The following BICD1 variants were observed in gnomAD, a reference collection of about 807,000 sequenced individuals.
BICD1 encodes BICD cargo adaptor 1, also known as protein bicaudal D homolog 1.
BICD1 carries 35 observed loss-of-function variants against 92.5 expected under a neutral mutation model. That is an observed-to-expected ratio of 0.38 (90% confidence interval 0.29 to 0.50). The LOEUF (loss-of-function observed/expected upper bound fraction) is 0.50, where lower values mean the gene tolerates loss of function less well. Ranked by LOEUF, BICD1 falls within the 20% of genes least tolerant of loss-of-function variation. The pLI is 0.93. For missense variants in BICD1, 950 were observed against 1,189.8 expected (o/e 0.80, Z 2.97); for synonymous variants, 429 against 465.1 (o/e 0.92, Z 1.00).
intron 2 of BICD1, among the ~76,000 whole-genome samples, chr12:32,232,305 C>T (rs1208670122): frequency 0.015 from 2,215 of 150,116 alleles, 50 homozygotes; most frequent in African/African-American, 0.049. Context: ...TGGTATCTCA[C>T]TGTGGTTTTG....
At chr12:32,286,611 T>A (rs1035730424) in intron 2 of BICD1, among the ~76,000 whole-genome samples, 4 of 152,176 alleles carry the variant, frequency 2.6e-5, no homozygotes, top group Non-Finnish European at 5.9e-5. Context: ...TAGAGAAGAA[T>A]AACAAGTCAA....
intron 2 of BICD1, among the ~76,000 whole-genome samples, chr12:32,217,663 AC>A (rs918419765): frequency 6.6e-6 from 1 of 152,214 alleles, no homozygotes; most frequent in African/African-American, 2.4e-5. Context: ...TTTTCAGGAT[AC>A]CAGGACCTCC....
At chr12:32,163,855 C>A (rs1943670972) in intron 1 of BICD1, among the ~76,000 whole-genome samples, 1 of 152,112 alleles carries the variant, frequency 6.6e-6, no homozygotes, top group Non-Finnish European at 1.5e-5. Flanking sequence ...TGGTCAGAAC[C>A]CAAGACCCCT....
At chr12:32,183,429 G>C (rs1944338141) in intron 1 of BICD1, among the ~76,000 whole-genome samples, 1 of 151,676 alleles carries the variant, frequency 6.6e-6, no homozygotes, top group Non-Finnish European at 1.5e-5. Flanking sequence ...ATCACGCCCA[G>C]CTAATTTTTG....
intron 2 of BICD1, among the ~76,000 whole-genome samples, chr12:32,283,854 T>C (rs1592609022): frequency 6.6e-6 from 1 of 152,224 alleles, no homozygotes; most frequent in Non-Finnish European, 1.5e-5. Context: ...CCAGCCTTCT[T>C]GTTTTCTACA....
chr12:32,111,056 G>C (rs1169061353), intron 1 of BICD1, among the ~76,000 whole-genome samples: 4 of 151,914 alleles, frequency 2.6e-5, no homozygotes, highest in Non-Finnish European at 5.9e-5. Context: ...AGTTGAAAAA[G>C]AGCCCCTTAG....
In BICD1 at chr12:32,327,960, A is replaced by T. The variant is rs769317702; in HGVS notation, c.1505A>T (p.Asn502Ile). ...GCCAACGAAAATCACAGTACCCTTA[A>T]TACGGCCCAGGATGAGTTAGTGACA... Reference protein sequence around the residue: ...SIANENHSTLNTAQDELVTFS... With the variant: ...SIANENHSTLITAQDELVTFS... The change falls in exon 5 of 10, where the codon AAT becomes ATT. Residue 502 changes from asparagine to isoleucine, a missense_variant. Around this residue, in one of 5 missense-constraint regions of BICD1, gnomAD observed 309 missense variants for 499.4 expected, o/e 0.62. Coordinates refer to ENST00000652176, the MANE Select transcript of BICD1 (RefSeq NM_001714.4). 1.2e-6 allele frequency: 2 copies of T among 1,614,054 alleles called. No homozygotes were observed. The highest frequency in any genetic ancestry group is 2.2e-5 in the East Asian group (1 of 44,882).
At chr12:32,220,116 G>A (rs981421289) in intron 2 of BICD1, among the ~76,000 whole-genome samples, 3 of 152,186 alleles carry the variant, frequency 2.0e-5, no homozygotes, top group Middle Eastern at 3.4e-3. Context: ...AGACTTAAAC[G>A]TTAGACCTAA....
chr12:32,363,720 C>T (rs1446096635), intron 8 of BICD1, among the ~76,000 whole-genome samples: 1 of 152,118 alleles, frequency 6.6e-6, no homozygotes, highest in South Asian at 2.1e-4. Context: ...TAATTAACTT[C>T]CGCTGTGAGG....
chr12:32,279,310 G>A (rs1308100273), intron 2 of BICD1, among the ~76,000 whole-genome samples: 2 of 152,166 alleles, frequency 1.3e-5, no homozygotes, highest in African/African-American at 4.8e-5. Context: ...TGCGGTGGTG[G>A]TCACAACTAT....
intron 1 of BICD1, among the ~76,000 whole-genome samples, chr12:32,192,483 T>C (rs1944604158): frequency 7.0e-6 from 1 of 142,466 alleles, no homozygotes; most frequent in Non-Finnish European, 1.5e-5. Context: ...GATAGACAAA[T>C]AAAGCAAAAA....
rs1380953172 is a variant in BICD1 at position 32,328,243 on chromosome 12, G to A, written c.1788G>A (p.Lys596=). The change falls in exon 5 of 10, where the codon AAG becomes AAA. Residue 596 remains lysine, a synonymous_variant. Coordinates refer to ENST00000652176, the MANE Select transcript of BICD1 (RefSeq NM_001714.4). The surrounding 1 kb of genome is among the most constrained non-coding windows in gnomAD (Gnocchi z 4.4). ...TEASKEPSPT[K]TPTISPVITA... is the part of the protein sequence containing the mutation. The stretch of plus-strand genomic sequence containing the variant: ...CCAGCAAAGAACCAAGTCCAACTAA[G>A]ACCCCCACAATCTCTCCTGTTATTA... The A allele has an allele frequency of 4.3e-6, 7 of 1,614,010 alleles. No homozygotes were observed. Among genetic ancestry groups the A allele is most frequent in the Middle Eastern group, 1.6e-4 (1 of 6,084 alleles).
intron 2 of BICD1, among the ~76,000 whole-genome samples, 185 bp from the exon 3 acceptor site, chr12:32,293,809 G>A (rs902986686): frequency 3.9e-5 from 6 of 152,092 alleles, no homozygotes; most frequent in Admixed American, 6.5e-5. Flanking sequence ...ATGTTGAATT[G>A]CTGGGTAATA....
chr12:32,289,648 G>T (rs61560167), intron 2 of BICD1, among the ~76,000 whole-genome samples: 18,930 of 152,250 alleles, frequency 0.12, 1,288 homozygotes, highest in East Asian at 0.21. Flanking sequence ...CTCCCAAAGT[G>T]CTGGGATTAC....
chr12:32,112,398 C>T (rs1237288954), intron 1 of BICD1, among the ~76,000 whole-genome samples: 1 of 152,194 alleles, frequency 6.6e-6, no homozygotes, highest in Non-Finnish European at 1.5e-5. Context: ...ATCACATTCC[C>T]CATGTTTATG....
At chr12:32,333,479 G>A (rs2136273811) in intron 5 of BICD1, among the ~76,000 whole-genome samples, 1 of 151,990 alleles carries the variant, frequency 6.6e-6, no homozygotes, top group East Asian at 1.9e-4. Flanking sequence ...TGCATATGAA[G>A]GTTTGAAGCT....
chr12:32,277,794 T>C (rs752994779), intron 2 of BICD1, among the ~76,000 whole-genome samples: 1 of 152,254 alleles, frequency 6.6e-6, no homozygotes, highest in Non-Finnish European at 1.5e-5. Context: ...TTTCGGATGA[T>C]GCTCATCTAG....
rs572126185 is a variant in BICD1, at chr12:32,123,808, T to C, written c.213+16264T>C. On this transcript the variant is annotated intron_variant, in intron 1 of 9. Coordinates refer to ENST00000652176, the MANE Select transcript of BICD1 (RefSeq NM_001714.4). ...AGGAGAATAGCTTGAACCTGGGAGATGGAGGTTGCAGTGAGCCGAGATTGC... is the reference window on the plus strand; with the variant it reads ...AGGAGAATAGCTTGAACCTGGGAGACGGAGGTTGCAGTGAGCCGAGATTGC... Among the ~76,000 whole-genome samples, 1,026 of 151,162 alleles carry C rather than the reference T, an allele frequency of 6.8e-3. 10 individuals are homozygous for C. Among genetic ancestry groups the C allele is most frequent in the African/African-American group, 0.024 (995 of 41,070 alleles).
intron 9 of BICD1, among the ~76,000 whole-genome samples, chr12:32,369,702 G>A (rs1939657874): frequency 6.6e-6 from 1 of 151,912 alleles, no homozygotes; most frequent in South Asian, 2.1e-4. Context: ...GACCAGCCTG[G>A]GGAACACAGG....
Sources: allele counts gnomAD v4.1 joint callset (sites outside exome capture counted in the v4.1 genomes callset), GRCh38; gene constraint gnomAD v4.1.1; regional missense constraint gnomAD v4.1.1; non-coding constraint Gnocchi (gnomAD v3.1); transcripts MANE v1.5; gene names NCBI Gene and HGNC (gene_info 2026-07-23, HGNC 2026-07-21).